The following HDAC4 variants were observed in gnomAD, a reference collection of about 807,000 sequenced individuals.
HDAC4 encodes the protein histone deacetylase A.
HDAC4 carries 16 observed loss-of-function variants against 135.1 expected under a neutral mutation model. The observed-to-expected ratio is 0.12, with a 90% CI of 0.08 to 0.18. HDAC4 has a LOEUF of 0.18. Among genes scored for constraint, HDAC4 ranks in the 10% least tolerant of loss-of-function variants. The probability of loss-of-function intolerance (pLI) is 1.00; values close to 1 mark genes in which losing one functional copy is unlikely to be tolerated. For synonymous variants in HDAC4, 685 were observed against 653.4 expected, an observed-to-expected ratio of 1.05 and a Z score of -0.74; for missense variants, 1,143 against 1,511.8, an observed-to-expected ratio of 0.76 and a Z score of 4.05.
intron 2 of HDAC4, among the ~76,000 whole-genome samples, chr2:239,345,907 C>T (rs1186506886): frequency 1.3e-5 from 2 of 149,786 alleles, no homozygotes; most frequent in Non-Finnish European, 3.0e-5. Context: ...CACACACCCC[C>T]ATCTCACACA....
Position 239,118,960 on chromosome 2 carries a change from G to C in HDAC4, c.1534-3650C>G, listed in dbSNP as rs565106074. On this transcript the variant is annotated intron_variant, in intron 12 of 26. Coordinates refer to ENST00000543185, the MANE Select transcript of HDAC4 (RefSeq NM_001378414.1). ...CCCTGTGGGGGGCAGGGAGAACAGG[G>C]AGCCTGGCGGTACCGCTGTCGCTGT... is the stretch of plus-strand genomic sequence containing the variant. Among the ~76,000 whole-genome samples the C allele has an allele frequency of 3.3e-4, 50 of 152,334 alleles. 1 individual carries two copies. Among genetic ancestry groups the C allele is most frequent in the African/African-American group, 1.2e-3 (49 of 41,570 alleles).
In HDAC4 at chr2:239,229,990, G is replaced by C. The variant is rs527546374; in HGVS notation, c.94+6603C>G. ...AAAATAGGTGGAAGGAATATATTCTGGGGTAAAATACTTTTATTTCCTGCA... is the reference window on the plus strand; with the variant it reads ...AAAATAGGTGGAAGGAATATATTCTCGGGTAAAATACTTTTATTTCCTGCA... On this transcript the variant is annotated intron_variant, in intron 3 of 26. Transcript: ENST00000543185. Among the ~76,000 whole-genome samples the C allele has an allele frequency of 3.3e-3, 498 of 152,282 alleles. 1 individual carries two copies. The highest frequency in any genetic ancestry group is 5.2e-3 in the Non-Finnish European group (355 of 68,020).
At chr2:239,134,107 T>C in intron 11 of HDAC4, 138 bp downstream of exon 11, 1 of 712,112 alleles carries the variant, frequency 1.4e-6, no homozygotes, top group Non-Finnish European at 2.5e-6. Flanking sequence ...CATCACGTGA[T>C]GGGGATGTGT....
At chr2:239,137,376 C>A (rs1219143913) in intron 9 of HDAC4, among the ~76,000 whole-genome samples, 2 of 152,218 alleles carry the variant, frequency 1.3e-5, no homozygotes, top group African/African-American at 4.8e-5. Context: ...CCCTTACGCA[C>A]CTGGGCGACT....
intron 3 of HDAC4, among the ~76,000 whole-genome samples, chr2:239,203,775 T>G (rs548420031): frequency 3.0e-4 from 46 of 152,272 alleles, no homozygotes; most frequent in African/African-American, 1.1e-3. Context: ...ACCTTCTGTA[T>G]GCAAAGCAGT....
In HDAC4 at chr2:239,107,004, T is replaced by C. The variant is rs930977216; in HGVS notation, c.2112+1046A>G. ...GGTGGGCCCTGGCATGGGTGGGGCC[T>C]TGTGCGACCCTGCACAGTGTTGCCA... On this transcript the variant is annotated intron_variant, in intron 15 of 26. Transcript: ENST00000543185. Among the ~76,000 whole-genome samples, 6 of 150,954 alleles carry C rather than the reference T, an allele frequency of 4.0e-5. 1 individual carries two copies. The highest frequency in any genetic ancestry group is 1.5e-4 in the African/African-American group (6 of 40,212).
chr2:239,341,689 A>G (rs372439931), intron 2 of HDAC4, among the ~76,000 whole-genome samples: 51 of 152,336 alleles, frequency 3.3e-4, no homozygotes, highest in African/African-American at 1.1e-3. Context: ...CATATTTCCT[A>G]GGAAAACTCA....
At chr2:239,315,948 T>C (rs116241337) in intron 2 of HDAC4, among the ~76,000 whole-genome samples, 6 of 152,186 alleles carry the variant, frequency 3.9e-5, no homozygotes, top group African/African-American at 1.4e-4. Flanking sequence ...AATGTCAAAA[T>C]ACAGTGGACA....
At position 239,052,132 on chromosome 2, in the gene HDAC4, T is replaced by G. The variant is rs2030947181; in HGVS notation, c.*965A>C. ...CACTTTGGATTCGTTTAAAATTTGT[T>G]GGACTTCAAAACCTCCAACGGGATT... On this transcript the variant is annotated 3_prime_UTR_variant, in exon 27 of 27. Transcript: ENST00000543185. The G allele has an allele frequency of 6.6e-6, 1 of 152,578 alleles. No homozygotes were observed. The highest frequency in any genetic ancestry group is 1.5e-5 in the Non-Finnish European group (1 of 68,044). 9.5% of individuals were successfully genotyped at this position (152,578 alleles called of 1,614,324 possible). A position where few individuals can be genotyped will look rare whatever the true frequency, so the allele number is the denominator to read the frequency against.
At chr2:239,187,087 G>A (rs2044601570) in intron 4 of HDAC4, 1 of 152,712 alleles carries the variant, frequency 6.5e-6, no homozygotes, top group African/African-American at 2.4e-5. Flanking sequence ...GGCTCACCAG[G>A]GTGCAGTGAC....
intron 2 of HDAC4, among the ~76,000 whole-genome samples, chr2:239,268,229 C>T (rs1342218935): frequency 6.6e-6 from 1 of 152,222 alleles, no homozygotes; most frequent in East Asian, 1.9e-4. Flanking sequence ...GCCAACAGCG[C>T]TGGCCACTCC....
rs1351790740 is a variant in HDAC4 at position 239,303,100 on chromosome 2, G to C, written c.22+49578C>G. Among the ~76,000 whole-genome samples the C allele has an allele frequency of 6.6e-6, 1 of 152,172 alleles. No homozygotes were observed. The highest frequency in any genetic ancestry group is 1.9e-4 in the East Asian group (1 of 5,166). ...CGTACTGAACAGAAGCCCAGCTCAG[G>C]GTTCAGGGTGGGCCCCTGGATTCAA... On this transcript the variant is annotated intron_variant, in intron 2 of 26. Coordinates refer to ENST00000543185, the MANE Select transcript of HDAC4 (RefSeq NM_001378414.1). This position sits in a 1 kb window ranked among gnomAD's most constrained non-coding sequence, Gnocchi z 5.1.
intron 1 of HDAC4, among the ~76,000 whole-genome samples, chr2:239,377,521 A>C (rs13026316): frequency 6.6e-6 from 1 of 152,128 alleles, no homozygotes; most frequent in Non-Finnish European, 1.5e-5. Context: ...CACACCTCTC[A>C]GTGCATCACC....
Position 239,115,144 on chromosome 2 carries a change from G to T in HDAC4, c.1700C>A (p.Pro567His). 1 of 1,611,730 alleles carries T rather than the reference G, an allele frequency of 6.2e-7. No individual in the cohort carries two copies. The highest frequency in any genetic ancestry group is 8.5e-7 in the Non-Finnish European group (1 of 1,179,946). ...AQAGVQVKQE[P>H]IESDEEEAEP... ...TGCCTCTTCCTCATCGCTCTCAATG[G>T]GCTCCTGCTTCACCTGCACGCCGGC... Residue 567 changes from proline (P) to histidine (H), a missense_variant, in exon 13 of 27, where the codon CCC becomes CAC. Around this residue, in one of 9 missense-constraint regions of HDAC4, gnomAD observed 196 missense variants for 210.7 expected, o/e 0.93. Coordinates refer to ENST00000543185, the MANE Select transcript of HDAC4 (RefSeq NM_001378414.1). The surrounding 1 kb of genome is among the most constrained non-coding windows in gnomAD (Gnocchi z 6.3).
intron 15 of HDAC4, 150 bp downstream of exon 15, chr2:239,107,900 A>C: frequency 1.0e-6 from 1 of 964,780 alleles, no homozygotes; most frequent in Non-Finnish European, 1.6e-6. Flanking sequence ...GCCCAAATGC[A>C]GACAGTGAAG....
At chr2:239,273,545 G>GGAAT (rs1437717652) in intron 2 of HDAC4, among the ~76,000 whole-genome samples, 3 of 152,192 alleles carry the variant, frequency 2.0e-5, no homozygotes, top group Non-Finnish European at 4.4e-5. Context: ...CAGGAAGGAA[G>GGAAT]GAATGAAGCT....
intron 3 of HDAC4, among the ~76,000 whole-genome samples, chr2:239,204,010 C>T (rs949250826): frequency 6.6e-6 from 1 of 152,226 alleles, no homozygotes; most frequent in African/African-American, 2.4e-5. Flanking sequence ...ATGCATCCAT[C>T]GAGCTCTCTC....
At chr2:239,198,272 G>A (rs1051557388) in intron 3 of HDAC4, among the ~76,000 whole-genome samples, 2 of 152,146 alleles carry the variant, frequency 1.3e-5, no homozygotes, top group Non-Finnish European at 2.9e-5. Context: ...AAAACCACCT[G>A]CCAACTGTGG....
intron 11 of HDAC4, among the ~76,000 whole-genome samples, chr2:239,132,405 G>A (rs1270939877): frequency 6.6e-6 from 1 of 152,218 alleles, no homozygotes; most frequent in African/African-American, 2.4e-5. Flanking sequence ...AACCTGGGGA[G>A]GCTGTGCAGG....
Sources: gnomAD v4.1 joint callset for allele counts (sites outside exome capture counted in the v4.1 genomes callset) on GRCh38, gnomAD v4.1.1 for gene constraint, gnomAD v4.1.1 regional missense constraint, Gnocchi (gnomAD v3.1) non-coding constraint, MANE v1.5 for transcripts, NCBI Gene and HGNC (gene_info 2026-07-23, HGNC 2026-07-21) for gene names.